SLC5A12: variants seen among roughly 807,000 people sequenced by gnomAD.
SLC5A12 encodes the protein solute carrier family 5 member 12.
In SLC5A12, 46 loss-of-function variants were observed where a neutral mutation model predicts 72.7. That is an observed-to-expected ratio of 0.63 (90% CI 0.50 to 0.81). The LOEUF is 0.81. SLC5A12 is among the 30% of genes least tolerant of loss of function. The probability of loss-of-function intolerance (pLI) is 0.00; values close to 1 mark genes in which losing one functional copy is unlikely to be tolerated. For synonymous variants in SLC5A12, 275 were observed against 264.4 expected (o/e 1.04, Z -0.39); for missense variants, 683 against 740.7 (o/e 0.92, Z 0.90).
At chr11:26,720,345 ATAAATAAG>A (rs1405321271) in intron 1 of SLC5A12, among the ~76,000 whole-genome samples, 1 of 150,492 alleles carries the variant, frequency 6.6e-6, no homozygotes, top group African/African-American at 2.5e-5. Flanking sequence ...AAATAAATAA[ATAAATAAG>A]TAAATAAATA....
intron 14 of SLC5A12, among the ~76,000 whole-genome samples, chr11:26,672,137 T>C (rs2133127681): frequency 6.6e-6 from 1 of 152,264 alleles, no homozygotes; most frequent in East Asian, 1.9e-4. Flanking sequence ...CAGAATTCTA[T>C]ACATGTCTGC....
chr11:26,714,673 A>T (rs1855308021), intron 1 of SLC5A12, among the ~76,000 whole-genome samples: 1 of 152,184 alleles, frequency 6.6e-6, no homozygotes, highest in Admixed American at 6.6e-5. Context: ...AATTAAAAAA[A>T]TCATTTTGAT....
intron 8 of SLC5A12, among the ~76,000 whole-genome samples, chr11:26,695,984 C>G (rs1854802220): frequency 6.6e-6 from 1 of 152,140 alleles, no homozygotes; most frequent in South Asian, 2.1e-4. Context: ...CTTCACATAG[C>G]TGGCTTTTTT....
At chr11:26,705,324 G>A (rs1855058184) in intron 4 of SLC5A12, among the ~76,000 whole-genome samples, 1 of 151,980 alleles carries the variant, frequency 6.6e-6, no homozygotes, top group South Asian at 2.1e-4. Flanking sequence ...GAGCAAGTGG[G>A]GAAAGATGAA....
intron 4 of SLC5A12, among the ~76,000 whole-genome samples, chr11:26,705,297 G>T (rs1379235820): frequency 1.3e-5 from 2 of 151,992 alleles, no homozygotes; most frequent in Non-Finnish European, 2.9e-5. Flanking sequence ...CCCTTAGGAT[G>T]ATGATCTATG....
chr11:26,698,576 A>G (rs1272783118), intron 6 of SLC5A12, 41 bp from the exon 7 acceptor site: 1 of 1,606,906 alleles, frequency 6.2e-7, no homozygotes, highest in South Asian at 1.1e-5. Context: ...CCTGTATACC[A>G]TATCATACTG....
rs1209648905 is a variant in SLC5A12 at position 26,668,895 on chromosome 11, CT to C, written c.*2206del. The C allele has an allele frequency of 6.6e-6, 1 of 151,920 alleles. No individual in the cohort carries two copies. The highest frequency in any genetic ancestry group is 1.5e-5 in the Non-Finnish European group (1 of 67,952). 9.4% of individuals were successfully genotyped at this position (151,920 alleles called of 1,614,324 possible). On this transcript the variant is annotated 3_prime_UTR_variant, in exon 15 of 15. Coordinates refer to ENST00000396005, the MANE Select transcript of SLC5A12 (RefSeq NM_178498.4). ...TATAAAAGAAGAAACGTTTTTAAAA[CT>C]TTCTCGGAAATGTACTGACCTAGTG...
intron 4 of SLC5A12, among the ~76,000 whole-genome samples, chr11:26,705,410 T>C (rs1018390228): frequency 1.7e-4 from 26 of 152,090 alleles, no homozygotes; most frequent in Non-Finnish European, 7.4e-5. Flanking sequence ...ATTTTTAACA[T>C]TGAAAAACAG....
intron 11 of SLC5A12, 124 bp downstream of exon 11, chr11:26,683,633 A>T (rs1305098796): frequency 1.7e-5 from 12 of 707,874 alleles, no homozygotes; most frequent in Non-Finnish European, 2.6e-5. Context: ...GCTCTGTTTA[A>T]TTCTGCTGTG....
rs555662593 is a variant in SLC5A12 at position 26,682,558 on chromosome 11, A to G, written c.1308+1199T>C. Among the ~76,000 whole-genome samples the G allele has an allele frequency of 7.2e-5, 11 of 152,276 alleles. No individual in the cohort carries two copies. In the South Asian group the frequency reaches 1.9e-3, roughly 26 times the overall value. Reference sequence around the variant, plus strand: ...GTGACACAAATTTATAATATTTACTATACTTTATTAAATATCTAGGCAAAG... The same window carrying G: ...GTGACACAAATTTATAATATTTACTGTACTTTATTAAATATCTAGGCAAAG... On this transcript the variant is annotated intron_variant, in intron 11 of 14. Transcript: ENST00000396005.
intron 2 of SLC5A12, among the ~76,000 whole-genome samples, chr11:26,712,194 AAG>A (rs1855245810): frequency 6.6e-6 from 1 of 152,098 alleles, no homozygotes; most frequent in Non-Finnish European, 1.5e-5. Flanking sequence ...GTTCATAAGA[AAG>A]AGAGGGAAGT....
chr11:26,669,228 C>CTTT lies in SLC5A12; in HGVS notation c.*1873_*1874insAAA, dbSNP rs778074459. 1 of 40,358 alleles carries CTTT rather than the reference C, an allele frequency of 2.5e-5. No individual in the cohort carries two copies. The highest frequency in any genetic ancestry group is 5.8e-5 in the African/African-American group (1 of 17,250). 2.5% of individuals were successfully genotyped at this position (40,358 alleles called of 1,614,324 possible). ...CTTTCTTTCTTTCTTTCTCTCTCTCCCTCCCTCTTTCTTTCTCTCTTCTTT... is the reference window on the plus strand; with the variant it reads ...CTTTCTTTCTTTCTTTCTCTCTCTCCTTTCTCCCTCTTTCTTTCTCTCTTCTTT... On this transcript the variant is annotated 3_prime_UTR_variant, in exon 15 of 15. Coordinates refer to ENST00000396005, the MANE Select transcript of SLC5A12 (RefSeq NM_178498.4).
At chr11:26,671,356 G>T in intron 14 of SLC5A12, 105 bp from the exon 15 acceptor site, 8 of 907,314 alleles carry the variant, frequency 8.8e-6, no homozygotes, top group South Asian at 2.0e-5. Context: ...TTATATATAT[G>T]TACAAAAGAA....
chr11:26,703,454 A>G (rs887995784), intron 6 of SLC5A12, 77 bp downstream of exon 6: 1 of 1,336,638 alleles, frequency 7.5e-7, no homozygotes, highest in Non-Finnish European at 1.0e-6. Flanking sequence ...ACACCCCCCA[A>G]GAGGAAGTAT....
intron 11 of SLC5A12, 113 bp downstream of exon 11, chr11:26,683,644 G>T: frequency 2.5e-6 from 2 of 784,470 alleles, no homozygotes; most frequent in Non-Finnish European, 2.1e-6. Flanking sequence ...TTCTGCTGTG[G>T]ATTCTTTTCC....
At chr11:26,707,947 C>G (rs555154410) in intron 4 of SLC5A12, among the ~76,000 whole-genome samples, 64 of 151,954 alleles carry the variant, frequency 4.2e-4, no homozygotes, top group African/African-American at 1.3e-3. Flanking sequence ...CCAGCTCCCC[C>G]CAAGGATTCT....
At chr11:26,708,270 A>G (rs771859874) in intron 4 of SLC5A12, among the ~76,000 whole-genome samples, 1 of 152,042 alleles carries the variant, frequency 6.6e-6, no homozygotes. Context: ...CAGGTACCTC[A>G]GAGCAACTAA....
chr11:26,673,626 T>C, intron 13 of SLC5A12, 97 bp from the exon 14 acceptor site: 6 of 1,421,450 alleles, frequency 4.2e-6, no homozygotes, highest in Non-Finnish European at 4.6e-6. Context: ...GGTTGCTTTT[T>C]AGAATAAGAG....
At chr11:26,704,722 G>A (rs1258047024) in intron 4 of SLC5A12, among the ~76,000 whole-genome samples, 1 of 152,064 alleles carries the variant, frequency 6.6e-6, no homozygotes, top group Non-Finnish European at 1.5e-5. Context: ...TGTTTTGGAG[G>A]TAAAATCAAC....
Sources: allele counts gnomAD v4.1 joint callset (sites outside exome capture counted in the v4.1 genomes callset), GRCh38; gene constraint gnomAD v4.1.1; transcripts MANE v1.5; gene names NCBI Gene and HGNC (gene_info 2026-07-23, HGNC 2026-07-21).